The following CTTNBP2NL variants were observed in gnomAD, a reference collection of about 807,000 sequenced individuals.
The protein encoded by CTTNBP2NL is CTTNBP2 N-terminal like.
CTTNBP2NL carries 16 observed loss-of-function variants against 32.5 expected under a neutral mutation model. The ratio of observed to expected loss-of-function variants is 0.49; its 90% CI spans 0.33 to 0.75. CTTNBP2NL has a LOEUF of 0.75. Among genes scored for constraint, CTTNBP2NL ranks in the 30% least tolerant of loss-of-function variants. The probability of loss-of-function intolerance (pLI) is 0.02; values close to 1 mark genes in which losing one functional copy is unlikely to be tolerated. For synonymous variants in CTTNBP2NL, 298 were observed against 289.4 expected (o/e 1.03, Z -0.30); for missense variants, 645 against 756.0 (o/e 0.85, Z 1.72).
intron 2 of CTTNBP2NL, among the ~76,000 whole-genome samples, chr1:112,415,149 C>T (rs1200118458): frequency 6.6e-6 from 1 of 152,082 alleles, no homozygotes; most frequent in African/African-American, 2.4e-5. Context: ...CGTGTTTGCA[C>T]CACTACACTC....
intron 1 of CTTNBP2NL, among the ~76,000 whole-genome samples, chr1:112,397,994 A>G (rs911080759): frequency 6.6e-6 from 1 of 152,234 alleles, no homozygotes; most frequent in Non-Finnish European, 1.5e-5. Context: ...GTAAGAAAGT[A>G]CAAAGAAGAA....
chr1:112,408,220 A>ATTTTTTTTTTTTTTTT (rs397981257), intron 1 of CTTNBP2NL, among the ~76,000 whole-genome samples: 1 of 103,758 alleles, frequency 9.6e-6, no homozygotes, highest in African/African-American at 4.3e-5. Context: ...TTTTTTTTTA[A>ATTTTTTTTTTTTTTTT]TTTTTTTTTT....
At chr1:112,416,682 A>G (rs527589086) in intron 3 of CTTNBP2NL, among the ~76,000 whole-genome samples, 2 of 152,064 alleles carry the variant, frequency 1.3e-5, no homozygotes, top group African/African-American at 2.4e-5. Context: ...TAGTAGAGAC[A>G]GGGTTTCACC....
intron 5 of CTTNBP2NL, 31 bp from the exon 6 acceptor site, chr1:112,455,900 C>T (rs187253285): frequency 9.4e-5 from 143 of 1,516,182 alleles, no homozygotes; most frequent in Non-Finnish European, 3.2e-5. Flanking sequence ...CACAGTTTGT[C>T]AGTATGTCTC....
At chr1:112,430,909 G>C (rs187684679) in intron 3 of CTTNBP2NL, among the ~76,000 whole-genome samples, 100 of 152,244 alleles carry the variant, frequency 6.6e-4, no homozygotes, top group African/African-American at 2.3e-3. Context: ...TTATTGTCTG[G>C]CATCAGCTGT....
intron 4 of CTTNBP2NL, 62 bp from the exon 5 acceptor site, chr1:112,454,387 G>C: frequency 8.1e-7 from 1 of 1,228,452 alleles, no homozygotes; most frequent in Non-Finnish European, 1.2e-6. Context: ...ACTTATTATT[G>C]GTTGTATTAA....
chr1:112,404,957 A>G (rs968528662), intron 1 of CTTNBP2NL, among the ~76,000 whole-genome samples: 1 of 152,196 alleles, frequency 6.6e-6, no homozygotes, highest in African/African-American at 2.4e-5. Context: ...AGTCTGAGGC[A>G]GGGGAATCTC....
At chr1:112,451,026 A>G (rs1203286596) in intron 4 of CTTNBP2NL, among the ~76,000 whole-genome samples, 1 of 152,050 alleles carries the variant, frequency 6.6e-6, no homozygotes, top group African/African-American at 2.4e-5. Context: ...TCTGGTTTGA[A>G]TAATAAATTA....
chr1:112,435,338 AC>A (rs1282285152), intron 3 of CTTNBP2NL, among the ~76,000 whole-genome samples: 3 of 151,842 alleles, frequency 2.0e-5, no homozygotes, highest in African/African-American at 7.3e-5. Flanking sequence ...TATTTTTTTC[AC>A]TAAATGTAAG....
chr1:112,415,154 A>G (rs1369368704), intron 2 of CTTNBP2NL, among the ~76,000 whole-genome samples: 2 of 152,072 alleles, frequency 1.3e-5, no homozygotes, highest in Non-Finnish European at 2.9e-5. Flanking sequence ...TTGCACCACT[A>G]CACTCCAGCC....
At chr1:112,408,168 A>G (rs906317565) in intron 1 of CTTNBP2NL, among the ~76,000 whole-genome samples, 2 of 150,272 alleles carry the variant, frequency 1.3e-5, no homozygotes, top group African/African-American at 4.9e-5. Context: ...TAACAAATGT[A>G]CAAAAGATCT....
intron 3 of CTTNBP2NL, among the ~76,000 whole-genome samples, chr1:112,437,390 A>T (rs1557893700): frequency 6.6e-6 from 1 of 152,194 alleles, no homozygotes. Context: ...AGTGATATTG[A>T]GCATTTTAAA....
intron 3 of CTTNBP2NL, among the ~76,000 whole-genome samples, chr1:112,416,964 C>T (rs535230592): frequency 1.3e-5 from 2 of 152,212 alleles, no homozygotes; most frequent in South Asian, 2.1e-4. Context: ...TCCCTGGACC[C>T]CAGATTAAGA....
chr1:112,400,991 G>T (rs1192336452), intron 1 of CTTNBP2NL, among the ~76,000 whole-genome samples: 1 of 137,922 alleles, frequency 7.3e-6, no homozygotes, highest in South Asian at 2.2e-4. Flanking sequence ...AAAAAAAAAA[G>T]GATTACATGA....
chr1:112,409,662 A>G (rs561618689), intron 1 of CTTNBP2NL, among the ~76,000 whole-genome samples: 1 of 152,284 alleles, frequency 6.6e-6, no homozygotes, highest in East Asian at 1.9e-4. Flanking sequence ...GAAGCTGTTT[A>G]GGGTGTTTCT....
chr1:112,420,520 G>A (rs1649197455), intron 3 of CTTNBP2NL, among the ~76,000 whole-genome samples: 1 of 152,014 alleles, frequency 6.6e-6, no homozygotes, highest in Admixed American at 6.6e-5. Flanking sequence ...AGGCTAGAGT[G>A]CAGTGGCTGG....
chr1:112,409,058 G>A (rs1311435687), intron 1 of CTTNBP2NL, among the ~76,000 whole-genome samples: 2 of 149,924 alleles, frequency 1.3e-5, no homozygotes, highest in African/African-American at 2.4e-5. Context: ...AACTGCGGAG[G>A]CAGAGGTTGC....
intron 1 of CTTNBP2NL, among the ~76,000 whole-genome samples, chr1:112,400,259 C>CT (rs1174116020): frequency 6.6e-6 from 1 of 152,208 alleles, no homozygotes; most frequent in Non-Finnish European, 1.5e-5. Flanking sequence ...AACTGTGCTA[C>CT]TGTTCACTGT....
chr1:112,430,224 G>T (rs2483353), intron 3 of CTTNBP2NL, among the ~76,000 whole-genome samples: 776 of 18,970 alleles, frequency 0.041, 10 homozygotes, highest in African/African-American at 0.069. Flanking sequence ...TTCTTTTCTT[G>T]TCTTTTCTCT....
Sources: allele counts gnomAD v4.1 joint callset (sites outside exome capture counted in the v4.1 genomes callset), GRCh38; gene constraint gnomAD v4.1.1; transcripts MANE v1.5; gene names NCBI Gene and HGNC (gene_info 2026-07-23, HGNC 2026-07-21).